C10orf90: variants seen among roughly 807,000 people sequenced by gnomAD.
The protein encoded by C10orf90 is (E2-independent) E3 ubiquitin-conjugating enzyme FATS.
A neutral mutation model predicts 62.5 loss-of-function variants in C10orf90; 56 were observed. The observed-to-expected ratio is 0.90, with a 90% CI of 0.72 to 1.12. C10orf90 has a LOEUF of 1.12. C10orf90 is among the 50% of genes most tolerant of loss of function. C10orf90 has a pLI of 0.00. For synonymous variants in C10orf90, 386 were observed against 340.4 expected (o/e 1.13, Z -1.47); for missense variants, 970 against 880.4 (o/e 1.10, Z -1.29).
intron 7 of C10orf90, among the ~76,000 whole-genome samples, chr10:126,444,399 T>C (rs1334999145): frequency 6.6e-6 from 1 of 152,002 alleles, no homozygotes; most frequent in African/African-American, 2.4e-5. Context: ...GAGAATCAAA[T>C]CAAGAGCTCA....
chr10:126,564,153 C>G (rs1844246196), intron 2 of C10orf90, among the ~76,000 whole-genome samples: 2 of 152,010 alleles, frequency 1.3e-5, no homozygotes, highest in South Asian at 4.2e-4. Context: ...GACCACAGGC[C>G]CTGTAGATCT....
Position 126,471,926 on chromosome 10 carries a change from A to AAC in C10orf90, c.1535-6942_1535-6941dup, listed in dbSNP as rs755164094. Among the ~76,000 whole-genome samples the AAC allele has an allele frequency of 1.3e-3, 125 of 92,658 alleles. 1 individual carries two copies. Among genetic ancestry groups the AAC allele is most frequent in the East Asian group, 1.2e-3 (4 of 3,328 alleles). 60.8% of individuals were successfully genotyped at this position (92,658 alleles called of 152,430 possible). ...AAAACTATTTGGAAGGCAGAAATAA[A>AAC]ACACACACACACACACGTGCACACA... On this transcript the variant is annotated intron_variant, in intron 4 of 9. Coordinates refer to ENST00000488181, the MANE Select transcript of C10orf90 (RefSeq NM_001350921.2).
intron 7 of C10orf90, among the ~76,000 whole-genome samples, chr10:126,444,643 T>C (rs1210889907): frequency 6.6e-6 from 1 of 152,048 alleles, no homozygotes; most frequent in African/African-American, 2.4e-5. Context: ...AATACCACCA[T>C]CATTCTTCAC....
At chr10:126,449,223 A>C (rs10901611) in intron 7 of C10orf90, among the ~76,000 whole-genome samples, 371 of 152,338 alleles carry the variant, frequency 2.4e-3, no homozygotes, top group Non-Finnish European at 4.6e-3. Flanking sequence ...GGATGCAATG[A>C]TGGTTCCGTA....
At chr10:126,609,948 C>T (rs1440828258) in intron 2 of C10orf90, among the ~76,000 whole-genome samples, 1 of 152,194 alleles carries the variant, frequency 6.6e-6, no homozygotes, top group Non-Finnish European at 1.5e-5. Flanking sequence ...CCTATTAAGG[C>T]CGCTCACATT....
chr10:126,632,272 C>CAGCA (rs1166931254), intron 2 of C10orf90, among the ~76,000 whole-genome samples: 2 of 151,942 alleles, frequency 1.3e-5, no homozygotes, highest in African/African-American at 2.4e-5. Flanking sequence ...AGGAGGGTGA[C>CAGCA]ACAGGCAGTT....
chr10:126,457,202 T>A (rs1220043859), intron 7 of C10orf90, among the ~76,000 whole-genome samples: 3 of 152,186 alleles, frequency 2.0e-5, no homozygotes, highest in African/African-American at 7.2e-5. Context: ...TTGCCCAGGC[T>A]GGTCTTGAAC....
chr10:126,613,714 G>A (rs902039359), intron 2 of C10orf90, among the ~76,000 whole-genome samples: 3 of 152,194 alleles, frequency 2.0e-5, no homozygotes, highest in African/African-American at 4.8e-5. Flanking sequence ...GATGCAACCA[G>A]TAACTTCTCA....
intron 2 of C10orf90, among the ~76,000 whole-genome samples, chr10:126,587,042 T>C (rs778038630): frequency 6.6e-6 from 1 of 152,074 alleles, no homozygotes; most frequent in Non-Finnish European, 1.5e-5. Context: ...AGTCACGCCA[T>C]TGTAATAGCT....
At chr10:126,462,433 C>A (rs955669614) in intron 5 of C10orf90, among the ~76,000 whole-genome samples, 4 of 152,156 alleles carry the variant, frequency 2.6e-5, no homozygotes, top group African/African-American at 9.7e-5. Context: ...GGACTCCCAC[C>A]CTCCAGGCTG....
At chr10:126,472,257 A>C (rs1452927598) in intron 4 of C10orf90, among the ~76,000 whole-genome samples, 1 of 152,236 alleles carries the variant, frequency 6.6e-6, no homozygotes, top group Non-Finnish European at 1.5e-5. Flanking sequence ...TAAAGTATAA[A>C]AGCAATAAAT....
chr10:126,465,089 G>T lies in C10orf90; in HGVS notation c.1535-103C>A, dbSNP rs538048163. The T allele has an allele frequency of 4.0e-6, 5 of 1,248,830 alleles. No homozygotes were observed. The South Asian group carries it at 4.3e-5, about 11-fold the overall frequency. The allele number at this position is 1,248,830 out of a possible 1,614,324, so 77.4% of individuals were successfully genotyped here. On this transcript the variant is annotated intron_variant, in intron 4 of 9. Transcript: ENST00000488181. ...CTTTTCTCGGGACAGACTTGGGGGG[G>T]AGTACAGCACTGCAAGTTCAGTTAG...
intron 2 of C10orf90, among the ~76,000 whole-genome samples, chr10:126,627,063 A>T (rs994389105): frequency 7.3e-6 from 1 of 137,502 alleles, no homozygotes; most frequent in Non-Finnish European, 1.5e-5. Flanking sequence ...GCAGTGGTGC[A>T]ATCTTGGCTC....
At chr10:126,471,029 A>G (rs568403697) in intron 4 of C10orf90, among the ~76,000 whole-genome samples, 1 of 152,202 alleles carries the variant, frequency 6.6e-6, no homozygotes, top group Non-Finnish European at 1.5e-5. Context: ...TTCAATTTCT[A>G]TGTAGTGGCA....
chr10:126,476,642 G>A (rs950246575), intron 4 of C10orf90, among the ~76,000 whole-genome samples: 6 of 152,148 alleles, frequency 3.9e-5, no homozygotes, highest in Admixed American at 6.5e-5. Context: ...CAGGTGCTGC[G>A]GCACCAGACA....
At chr10:126,506,828 G>A (rs1192712749) in intron 3 of C10orf90, among the ~76,000 whole-genome samples, 1 of 151,992 alleles carries the variant, frequency 6.6e-6, no homozygotes, top group Non-Finnish European at 1.5e-5. Context: ...TTTTCTTCAG[G>A]GCAGGACTAA....
intron 2 of C10orf90, among the ~76,000 whole-genome samples, chr10:126,532,618 A>G (rs551116872): frequency 1.3e-5 from 2 of 151,840 alleles, no homozygotes; most frequent in East Asian, 2.0e-4. Flanking sequence ...AGGGCAGATC[A>G]CGAGGTCAGG....
intron 2 of C10orf90, among the ~76,000 whole-genome samples, chr10:126,639,402 C>A (rs750101200): frequency 2.0e-5 from 3 of 152,192 alleles, no homozygotes; most frequent in Admixed American, 1.3e-4. Flanking sequence ...CAGTGCCAGA[C>A]GCCTGTCTCT....
intron 2 of C10orf90, among the ~76,000 whole-genome samples, chr10:126,630,877 G>T (rs1487852275): frequency 6.6e-6 from 1 of 152,086 alleles, no homozygotes; most frequent in African/African-American, 2.4e-5. Flanking sequence ...AACAACCTGG[G>T]AATCACCCTC....
Sources: gnomAD v4.1 joint callset for allele counts (sites outside exome capture counted in the v4.1 genomes callset) on GRCh38, gnomAD v4.1.1 for gene constraint, MANE v1.5 for transcripts, NCBI Gene and HGNC (gene_info 2026-07-23, HGNC 2026-07-21) for gene names.